Variants in BMERB1 observed in about 807,000 individuals in gnomAD.
BMERB1 encodes bMERB domain-containing protein 1.
Under a neutral mutation model 23.6 loss-of-function variants are expected in BMERB1, and 12 were observed. The observed-to-expected ratio is 0.51, with a 90% CI of 0.33 to 0.82. The LOEUF (loss-of-function observed/expected upper bound fraction) is 0.82, where lower values mean the gene tolerates loss of function less well. Among genes scored for constraint, BMERB1 ranks in the 40% least tolerant of loss-of-function variants. BMERB1 has a pLI of 0.03. For synonymous variants in BMERB1, 122 were observed against 96.6 expected, an observed-to-expected ratio of 1.26 and a Z score of -1.54; for missense variants, 247 against 255.4, an observed-to-expected ratio of 0.97 and a Z score of 0.22.
intron 1 of BMERB1, among the ~76,000 whole-genome samples, chr16:15,463,555 C>T (rs751828975): frequency 2.0e-5 from 3 of 152,120 alleles, no homozygotes; most frequent in African/African-American, 7.2e-5. Context: ...TCCCTTGCCT[C>T]GTCGTTTGAC....
chr16:15,479,102 G>A lies in BMERB1; in HGVS notation c.107-36203G>A, dbSNP rs374203493. 6.1e-4 allele frequency among the ~76,000 whole-genome samples: 93 copies of A among 152,312 alleles called. 2 individuals are homozygous for A. In the South Asian group the frequency reaches 0.018, roughly 30 times the overall value. Reference sequence around the variant, plus strand: ...CTCTCAAAAATGAGTAAATAAGCCTGTCACTTCAAGGAAAACAACTGACAG... The same window carrying A: ...CTCTCAAAAATGAGTAAATAAGCCTATCACTTCAAGGAAAACAACTGACAG... On this transcript the variant is annotated intron_variant, in intron 1 of 5. Coordinates refer to ENST00000300006, the MANE Select transcript of BMERB1 (RefSeq NM_033201.3).
At chr16:15,562,182 A>C (rs1366409052) in intron 2 of BMERB1, among the ~76,000 whole-genome samples, 1 of 151,790 alleles carries the variant, frequency 6.6e-6, no homozygotes, top group African/African-American at 2.4e-5. Flanking sequence ...GCATGCCTGT[A>C]ATCTCAGCTA....
chr16:15,444,275 T>C (rs116802462), intron 1 of BMERB1, among the ~76,000 whole-genome samples: 2,060 of 151,694 alleles, frequency 0.014, 54 homozygotes, highest in African/African-American at 0.049. Flanking sequence ...CACTCACAAG[T>C]TCCCCCAAAA....
intron 1 of BMERB1, among the ~76,000 whole-genome samples, chr16:15,464,641 A>T (rs1377445836): frequency 6.6e-6 from 1 of 152,162 alleles, no homozygotes; most frequent in African/African-American, 2.4e-5. Flanking sequence ...TCTTCCTTTT[A>T]GACTATATTG....
chr16:15,479,010 G>A (rs908801039), intron 1 of BMERB1, among the ~76,000 whole-genome samples: 10 of 152,124 alleles, frequency 6.6e-5, no homozygotes, highest in Admixed American at 3.3e-4. Flanking sequence ...TTTTGTTTGC[G>A]TAGAACATCA....
chr16:15,498,627 AAAGGAAGAAAGAGG>A (rs2051497819), intron 1 of BMERB1, among the ~76,000 whole-genome samples: 1 of 151,898 alleles, frequency 6.6e-6, no homozygotes, highest in African/African-American at 2.4e-5. Flanking sequence ...AAAGAAAGAG[AAAGGAAGAAAGAGG>A]AAGGAAGGAA....
chr16:15,465,200 G>T, intron 1 of BMERB1, among the ~76,000 whole-genome samples: 1 of 151,986 alleles, frequency 6.6e-6, no homozygotes, highest in Admixed American at 6.6e-5. Flanking sequence ...TCATCACTGG[G>T]GAACATTGGG....
rs1040986231 is a variant in BMERB1 at position 15,568,155 on chromosome 16, T to G, written c.304+99T>G. ...GGTCTGGAAGACAGAGCCTCATTCT[T>G]GCAATGCAGTGCTCCCTGACTGCAT... On this transcript the variant is annotated intron_variant, in intron 3 of 5. Coordinates refer to ENST00000300006, the MANE Select transcript of BMERB1 (RefSeq NM_033201.3). 19 of 921,710 alleles carry G rather than the reference T, an allele frequency of 2.1e-5. 1 individual carries two copies. Among genetic ancestry groups the G allele is most frequent in the Non-Finnish European group, 3.2e-5 (19 of 592,102 alleles). 57.1% of individuals were successfully genotyped at this position (921,710 alleles called of 1,614,324 possible).
chr16:15,440,171 G>C (rs1481867676), intron 1 of BMERB1, among the ~76,000 whole-genome samples: 2 of 148,562 alleles, frequency 1.3e-5, no homozygotes, highest in Non-Finnish European at 1.5e-5. Flanking sequence ...CTTGTACTCA[G>C]GAGGCAGAGG....
At chr16:15,473,433 T>C (rs773061542) in intron 1 of BMERB1, among the ~76,000 whole-genome samples, 4 of 151,716 alleles carry the variant, frequency 2.6e-5, no homozygotes, top group Admixed American at 6.6e-5. Context: ...TGGGATTATA[T>C]AGGCTCCTGC....
chr16:15,514,468 C>T (rs2051719802), intron 1 of BMERB1, among the ~76,000 whole-genome samples: 1 of 152,046 alleles, frequency 6.6e-6, no homozygotes, highest in East Asian at 1.9e-4. Flanking sequence ...CTTTTGTGAG[C>T]CCACTTGTGA....
intron 3 of BMERB1, among the ~76,000 whole-genome samples, chr16:15,579,783 C>A (rs2030961653): frequency 6.6e-6 from 1 of 152,150 alleles, no homozygotes; most frequent in South Asian, 2.1e-4. Context: ...AAAAAAACAA[C>A]TAGTTCCCTC....
chr16:15,444,880 T>C (rs1250256789), intron 1 of BMERB1, among the ~76,000 whole-genome samples: 1 of 152,194 alleles, frequency 6.6e-6, no homozygotes, highest in African/African-American at 2.4e-5. Context: ...TGAGGAATTA[T>C]ATAAATCTGA....
intron 2 of BMERB1, among the ~76,000 whole-genome samples, chr16:15,543,859 T>C (rs2052108402): frequency 6.6e-6 from 1 of 152,132 alleles, no homozygotes; most frequent in Non-Finnish European, 1.5e-5. Flanking sequence ...TTGAATATGT[T>C]CCTAAGAAGC....
At chr16:15,553,947 G>T (rs2030168602) in intron 2 of BMERB1, among the ~76,000 whole-genome samples, 1 of 152,112 alleles carries the variant, frequency 6.6e-6, no homozygotes, top group Non-Finnish European at 1.5e-5. Flanking sequence ...AACCTAAGAT[G>T]GCTCCCATGT....
chr16:15,587,415 TGTC>T lies in BMERB1; in HGVS notation c.*589_*591del. 1 of 296,142 alleles carries T rather than the reference TGTC, an allele frequency of 3.4e-6. No individual in the cohort carries two copies. Among genetic ancestry groups the T allele is most frequent in the South Asian group, 2.6e-5 (1 of 39,086 alleles). The allele number at this position is 296,142 out of a possible 1,614,324, so 18.3% of individuals were successfully genotyped here. A position where few individuals can be genotyped will look rare whatever the true frequency, so the allele number is the denominator to read the frequency against. ...CTGTAAAGATCGAGCTTGTGTGTGG[TGTC>T]GTGGTCACATCTCCCGCTTCCCCCC... On this transcript the variant is annotated 3_prime_UTR_variant, in exon 6 of 6. Transcript: ENST00000300006.
intron 2 of BMERB1, among the ~76,000 whole-genome samples, chr16:15,517,856 T>TA (rs2051785815): frequency 1.2e-5 from 1 of 83,380 alleles, no homozygotes; most frequent in African/African-American, 3.2e-5. Context: ...TGTGGATGTG[T>TA]GTGTGTGGAT....
chr16:15,516,793 G>C (rs1378668099), intron 2 of BMERB1, among the ~76,000 whole-genome samples: 1 of 152,182 alleles, frequency 6.6e-6, no homozygotes, highest in Non-Finnish European at 1.5e-5. Flanking sequence ...TAAATGGGGA[G>C]TTAGGGTTCA....
At chr16:15,472,907 G>A (rs1051612920) in intron 1 of BMERB1, among the ~76,000 whole-genome samples, 28 of 149,828 alleles carry the variant, frequency 1.9e-4, no homozygotes, top group Admixed American at 1.7e-3. Context: ...GCCCAGGCTG[G>A]AGTGCAGTGG....
Sources: gnomAD v4.1 joint callset for allele counts (sites outside exome capture counted in the v4.1 genomes callset) on GRCh38, gnomAD v4.1.1 for gene constraint, MANE v1.5 for transcripts, NCBI Gene and HGNC (gene_info 2026-07-23, HGNC 2026-07-21) for gene names.